Variants in DPYD observed in about 807,000 individuals in gnomAD.
DPYD encodes the protein dihydropyrimidine dehydrogenase [NADP(+)].
DPYD carries 109 observed loss-of-function variants against 116.2 expected under a neutral mutation model. The observed-to-expected ratio is 0.94, with a 90% CI of 0.80 to 1.10. The LOEUF is 1.10. DPYD is among the 50% of genes least tolerant of loss of function. DPYD has a pLI of 0.00. For synonymous variants in DPYD, 440 were observed against 432.0 expected (o/e 1.02, Z -0.23); for missense variants, 1,302 against 1,254.5 (o/e 1.04, Z -0.57).
intron 2 of DPYD, among the ~76,000 whole-genome samples, chr1:97,873,952 G>GT (rs753214469): frequency 1.3e-5 from 2 of 151,888 alleles, no homozygotes; most frequent in African/African-American, 2.4e-5. Flanking sequence ...ATGAAAAATA[G>GT]TATGTTAGAT....
chr1:97,921,053 G>T, upstream of DPYD: 1 of 1,175,596 alleles, frequency 8.5e-7, no homozygotes, highest in Non-Finnish European at 1.2e-6. Flanking sequence ...CGGCGCGGGG[G>T]CGGAGCGGGC....
chr1:97,720,760 A>C (rs1006577462), intron 5 of DPYD: 14 of 1,457,008 alleles, frequency 9.6e-6, no homozygotes, highest in Non-Finnish European at 1.3e-5. Flanking sequence ...TAGTCTCCAA[A>C]GATTATAAAA....
chr1:97,219,603 G>A (rs1188704233), intron 19 of DPYD, among the ~76,000 whole-genome samples: 1 of 152,140 alleles, frequency 6.6e-6, no homozygotes, highest in African/African-American at 2.4e-5. Flanking sequence ...CTAACCAAGG[G>A]TGAAGGAGGC....
At chr1:97,204,617 G>A (rs7545506) in intron 19 of DPYD, among the ~76,000 whole-genome samples, 110,730 of 151,926 alleles carry the variant, frequency 0.73, 41,938 homozygotes, top group East Asian at 0.99. Flanking sequence ...GAAACTATTA[G>A]TGAAAATACC....
intron 5 of DPYD, among the ~76,000 whole-genome samples, chr1:97,706,022 G>C (rs1254533308): frequency 6.6e-6 from 1 of 151,558 alleles, no homozygotes; most frequent in Non-Finnish European, 1.5e-5. Flanking sequence ...CATTTTCACA[G>C]TAATCGCTAA....
intron 4 of DPYD, among the ~76,000 whole-genome samples, chr1:97,734,801 C>T (rs767619456): frequency 6.6e-6 from 1 of 151,918 alleles, no homozygotes; most frequent in Non-Finnish European, 1.5e-5. Context: ...TTAAGGGTCT[C>T]CAAGCATATA....
chr1:97,745,909 C>T (rs1256748062), intron 3 of DPYD, among the ~76,000 whole-genome samples: 1 of 151,926 alleles, frequency 6.6e-6, no homozygotes, highest in Non-Finnish European at 1.5e-5. Flanking sequence ...GCCTCCTTGC[C>T]AGAGTAATTT....
At position 97,268,923 on chromosome 1, in the gene DPYD, A is replaced by T. The variant is rs575237347; in HGVS notation, c.2300-33929T>A. ...TCCTGAACACATTCTTTTATTCTTTATGTGGCTAAGTTGAGAGTTTTTCAA... is the reference window on the plus strand; with the variant it reads ...TCCTGAACACATTCTTTTATTCTTTTTGTGGCTAAGTTGAGAGTTTTTCAA... On this transcript the variant is annotated intron_variant, in intron 18 of 22. Coordinates refer to ENST00000370192, the MANE Select transcript of DPYD (RefSeq NM_000110.4). Among the ~76,000 whole-genome samples the T allele has an allele frequency of 7.3e-4, 111 of 152,228 alleles. No homozygotes were observed. The Middle Eastern group carries it at 0.014, about 19-fold the overall frequency.
chr1:97,518,656 G>A (rs1648411367), intron 12 of DPYD, among the ~76,000 whole-genome samples: 2 of 152,110 alleles, frequency 1.3e-5, no homozygotes, highest in African/African-American at 4.8e-5. Flanking sequence ...TAACAAATAT[G>A]TTATTTAGAT....
intron 20 of DPYD, among the ~76,000 whole-genome samples, chr1:97,127,711 C>G (rs900547406): frequency 6.6e-6 from 1 of 152,080 alleles, no homozygotes; most frequent in Non-Finnish European, 1.5e-5. Flanking sequence ...TTACTTGCTA[C>G]AGATTATATA....
chr1:97,915,955 A>T (rs1392766261), intron 1 of DPYD, among the ~76,000 whole-genome samples: 2 of 152,178 alleles, frequency 1.3e-5, no homozygotes, highest in African/African-American at 4.8e-5. Flanking sequence ...ACTATTACTT[A>T]CATTTACGCT....
chr1:97,529,411 C>T (rs1649395490), intron 12 of DPYD, among the ~76,000 whole-genome samples: 1 of 152,092 alleles, frequency 6.6e-6, no homozygotes, highest in Admixed American at 6.5e-5. Context: ...TAAAAAACGG[C>T]TTCACTAAAC....
intron 2 of DPYD, chr1:97,855,251 T>C (rs1670767586): frequency 6.6e-6 from 1 of 152,236 alleles, no homozygotes; most frequent in Non-Finnish European, 1.5e-5. Context: ...AGAGAACGTG[T>C]TGTTGGCCAT....
chr1:97,710,886 G>T (rs1292433065), intron 5 of DPYD, among the ~76,000 whole-genome samples: 1 of 151,622 alleles, frequency 6.6e-6, no homozygotes, highest in African/African-American at 2.4e-5. Flanking sequence ...ACCTGAAAGA[G>T]AAATTGACAC....
chr1:97,628,280 T>G (rs1009738498), intron 8 of DPYD, among the ~76,000 whole-genome samples: 3 of 152,072 alleles, frequency 2.0e-5, no homozygotes, highest in African/African-American at 7.2e-5. Context: ...TCTTCCCATG[T>G]GTCCTCATCA....
At chr1:97,080,738 C>A (rs907503420) in intron 22 of DPYD, among the ~76,000 whole-genome samples, 4 of 152,100 alleles carry the variant, frequency 2.6e-5, no homozygotes, top group African/African-American at 2.4e-5. Context: ...CTTTGAAAAT[C>A]TGCAAAGATA....
chr1:97,816,629 T>C (rs12048588), intron 3 of DPYD, among the ~76,000 whole-genome samples: 1 of 152,188 alleles, frequency 6.6e-6, no homozygotes, highest in Non-Finnish European at 1.5e-5. Context: ...TGTTTCATAA[T>C]GTAAATGATT....
chr1:97,217,893 A>G (rs1205270509), intron 19 of DPYD, among the ~76,000 whole-genome samples: 1 of 152,172 alleles, frequency 6.6e-6, no homozygotes, highest in Non-Finnish European at 1.5e-5. Flanking sequence ...GAATTGTGAT[A>G]CTCGCTTTAT....
chr1:97,194,971 T>G (rs892192375), intron 19 of DPYD, among the ~76,000 whole-genome samples: 2 of 152,162 alleles, frequency 1.3e-5, no homozygotes, highest in African/African-American at 4.8e-5. Context: ...GGATTTGAGT[T>G]AAAGCTTGAA....
Sources: gnomAD v4.1 joint callset for allele counts (sites outside exome capture counted in the v4.1 genomes callset) on GRCh38, gnomAD v4.1.1 for gene constraint, MANE v1.5 for transcripts, NCBI Gene and HGNC (gene_info 2026-07-23, HGNC 2026-07-21) for gene names.